SMIM23: variants seen among roughly 807,000 people sequenced by gnomAD.
SMIM23 encodes CTB-78H18.1.
In SMIM23, 10 loss-of-function variants were observed where a neutral mutation model predicts 12.8. The ratio of observed to expected loss-of-function variants is 0.78; its 90% CI spans 0.48 to 1.32. The LOEUF is 1.32. Among genes scored for constraint, SMIM23 ranks in the 40% most tolerant of loss-of-function variants. The pLI, the probability that SMIM23 is intolerant of heterozygous loss-of-function variation, is 0.00. For missense variants in SMIM23, 184 were observed against 198.2 expected (o/e 0.93, Z 0.43); for synonymous variants, 78 against 80.1 (o/e 0.97, Z 0.14).
the SMIM23 span, among the ~76,000 whole-genome samples, chr5:171,776,282 G>T: frequency 6.6e-6 from 1 of 151,890 alleles, no homozygotes; most frequent in East Asian, 1.9e-4. Flanking sequence ...TTGGGGTGGG[G>T]TGAGATTTGT....
upstream of SMIM23, among the ~76,000 whole-genome samples, chr5:171,778,097 T>A (rs9313561): frequency 6.6e-6 from 1 of 152,126 alleles, no homozygotes; most frequent in African/African-American, 2.4e-5. Context: ...CAGTGGCTCA[T>A]GCCTGTAATC....
rs1226325857 is a variant in SMIM23, at chr5:171,790,905, G to A, written c.336G>A (p.Gln112=). Residue 112 remains glutamine (Q), a synonymous_variant, in exon 4 of 4, where the codon CAG becomes CAA. Coordinates refer to ENST00000523047, the MANE Select transcript of SMIM23 (RefSeq NM_001289970.2). ...VFSEKLEEEV[Q]QLEQLAWDLE... is the part of the protein sequence containing the mutation. ...CGGAGAAGTTAGAGGAAGAGGTGCA[G>A]CAGCTGGAGCAGCTAGCGTGGGACC... 1 of 1,536,172 alleles carries A rather than the reference G, an allele frequency of 6.5e-7. No individual in the cohort carries two copies. The highest frequency in any genetic ancestry group is 1.4e-5 in the African/African-American group (1 of 73,170).
At chr5:171,790,150 G>A in intron 1 of SMIM23, 80 bp from the exon 2 acceptor site, 1 of 1,366,114 alleles carries the variant, frequency 7.3e-7, no homozygotes. Context: ...CCCATGTCTG[G>A]CCCTTTGTGA....
the SMIM23 span, among the ~76,000 whole-genome samples, chr5:171,772,699 C>A: frequency 6.6e-6 from 1 of 152,198 alleles, no homozygotes; most frequent in African/African-American, 2.4e-5. Context: ...TGACCTTGGC[C>A]AGCCAAGGAG....
chr5:171,773,160 G>A, the SMIM23 span, among the ~76,000 whole-genome samples: 1 of 152,170 alleles, frequency 6.6e-6, no homozygotes, highest in Non-Finnish European at 1.5e-5. Context: ...CCAGCAAGCT[G>A]GTTCTGACCT....
rs142499742 is a variant in SMIM23 at position 171,787,271 on chromosome 5, G to A, written c.105+1295G>A. On this transcript the variant is annotated intron_variant, in intron 1 of 3. Coordinates refer to ENST00000523047, the MANE Select transcript of SMIM23 (RefSeq NM_001289970.2). ...CTGACCTCATGATCCACCCGCCTCC[G>A]CCTCCCAAAGTGCTGGGATTACAGG... Among the ~76,000 whole-genome samples, 121 of 152,134 alleles carry A rather than the reference G, an allele frequency of 8.0e-4. No homozygotes were observed. The East Asian group carries it at 0.013, about 16-fold the overall frequency.
chr5:171,788,816 A>T (rs1002449437), intron 1 of SMIM23, among the ~76,000 whole-genome samples: 80 of 152,352 alleles, frequency 5.3e-4, no homozygotes, highest in African/African-American at 1.9e-3. Flanking sequence ...CAAAATCTTG[A>T]TACCAAAACT....
upstream of SMIM23, chr5:171,785,749 C>A: frequency 2.7e-6 from 2 of 742,126 alleles, no homozygotes; most frequent in South Asian, 1.7e-5. Context: ...ACCTTGCTGT[C>A]CCTACCTTCT....
chr5:171,785,751 C>T (rs970783841), upstream of SMIM23: 1 of 761,178 alleles, frequency 1.3e-6, no homozygotes, highest in Non-Finnish European at 2.2e-6. Context: ...CTTGCTGTCC[C>T]TACCTTCTGT....
chr5:171,788,505 T>C (rs1755860159), intron 1 of SMIM23, among the ~76,000 whole-genome samples: 1 of 152,120 alleles, frequency 6.6e-6, no homozygotes, highest in Admixed American at 6.5e-5. Context: ...ATATATATTT[T>C]TTAAAAAGAA....
chr5:171,787,834 T>C (rs1296911114), intron 1 of SMIM23, among the ~76,000 whole-genome samples: 1 of 152,254 alleles, frequency 6.6e-6, no homozygotes, highest in African/African-American at 2.4e-5. Context: ...TCTATGTTCT[T>C]GAATTTCATG....
At chr5:171,773,254 G>T in the SMIM23 span, among the ~76,000 whole-genome samples, 1 of 152,316 alleles carries the variant, frequency 6.6e-6, no homozygotes, top group South Asian at 2.1e-4. Flanking sequence ...GGGAGGTGGT[G>T]GGGGCTCAAT....
chr5:171,790,238 G>A lies in SMIM23; in HGVS notation c.114G>A (p.Leu38=). The change falls in exon 2 of 4, where the codon TTG becomes TTA. Residue 38 remains leucine (L), a synonymous_variant. Transcript: ENST00000523047. The part of the protein sequence containing the change: ...SHCDDEKQTL[L]ALLILVLYLS... ...CTCTTCTTGCACCCTAGACGCTGTT[G>A]GCATTGCTGATCTTGGTGCTGTACT... 1 of 1,536,124 alleles carries A rather than the reference G, an allele frequency of 6.5e-7. No homozygotes were observed. The highest frequency in any genetic ancestry group is 8.7e-7 in the Non-Finnish European group (1 of 1,146,928).
In SMIM23 at chr5:171,790,867, T is replaced by C. The variant is rs901910122; in HGVS notation, c.298T>C (p.Leu100=). 1.2e-5 allele frequency: 18 copies of C among 1,535,924 alleles called. No individual in the cohort carries two copies. The highest frequency in any genetic ancestry group is 1.5e-5 in the Non-Finnish European group (17 of 1,146,912). The change falls in exon 4 of 4, where the codon TTG becomes CTG. Residue 100 remains leucine, a synonymous_variant. Transcript: ENST00000523047. ...CATCAGGAACTGGCTGAAGGAGAAG[T>C]TGCATGTCTTCTCGGAGAAGTTAGA... is the stretch of plus-strand genomic sequence containing the variant. ...KTIRNWLKEK[L]HVFSEKLEEE...
upstream of SMIM23, among the ~76,000 whole-genome samples, chr5:171,780,839 C>T (rs191741254): frequency 3.8e-3 from 581 of 152,160 alleles, 5 homozygotes; most frequent in Admixed American, 6.8e-3. Flanking sequence ...TGAATCTTCC[C>T]AGGGAAGGAG....
At chr5:171,774,990 G>A in the SMIM23 span, among the ~76,000 whole-genome samples, 1 of 152,190 alleles carries the variant, frequency 6.6e-6, no homozygotes, top group African/African-American at 2.4e-5. Context: ...GGTGGTCAGA[G>A]AATGAAGTCA....
At chr5:171,787,528 T>C (rs1315422724) in intron 1 of SMIM23, among the ~76,000 whole-genome samples, 1 of 152,174 alleles carries the variant, frequency 6.6e-6, no homozygotes, top group Non-Finnish European at 1.5e-5. Context: ...AATACATTGA[T>C]AGAGGACTGG....
rs1042552857 is a variant in SMIM23, at chr5:171,790,079, G to A, written c.106-151G>A. The A allele has an allele frequency of 2.2e-5, 15 of 692,352 alleles. No homozygotes were observed. In the African/African-American group the frequency reaches 2.3e-4, roughly 11 times the overall value. The allele number at this position is 692,352 out of a possible 1,614,324, so 42.9% of individuals were successfully genotyped here. ...TCAAAGTTTGGGAGTTTTGTAGTAAGTAAGTGTGACTTAGATAACTAGAAC... is the reference window on the plus strand; with the variant it reads ...TCAAAGTTTGGGAGTTTTGTAGTAAATAAGTGTGACTTAGATAACTAGAAC... On this transcript the variant is annotated intron_variant, in intron 1 of 3. Coordinates refer to ENST00000523047, the MANE Select transcript of SMIM23 (RefSeq NM_001289970.2).
At chr5:171,787,424 A>G (rs1755839235) in intron 1 of SMIM23, among the ~76,000 whole-genome samples, 1 of 152,192 alleles carries the variant, frequency 6.6e-6, no homozygotes, top group South Asian at 2.1e-4. Context: ...AAAAGGACTC[A>G]AACTCAATCC....
Sources: allele counts gnomAD v4.1 joint callset (sites outside exome capture counted in the v4.1 genomes callset), GRCh38; gene constraint gnomAD v4.1.1; transcripts MANE v1.5; gene names NCBI Gene and HGNC (gene_info 2026-07-23, HGNC 2026-07-21).